Variants in MACROD2 observed in about 807,000 individuals in gnomAD.
MACROD2 encodes the protein ADP-ribose glycohydrolase MACROD2.
Under a neutral mutation model 70.4 loss-of-function variants are expected in MACROD2, and 36 were observed. The observed-to-expected ratio is 0.51, with a 90% confidence interval of 0.39 to 0.68. MACROD2 has a LOEUF of 0.68. Among genes scored for constraint, MACROD2 ranks in the 30% least tolerant of loss-of-function variants. MACROD2 has a pLI of 0.00. For missense variants in MACROD2, 496 were observed against 538.4 expected (o/e 0.92, Z 0.78); for synonymous variants, 172 against 178.8 (o/e 0.96, Z 0.30).
intron 8 of MACROD2, among the ~76,000 whole-genome samples, chr20:15,743,598 A>T (rs533232533): frequency 9.2e-5 from 14 of 152,038 alleles, no homozygotes; most frequent in African/African-American, 3.4e-4. Flanking sequence ...CAAATTGACT[A>T]ATCTGTTTTT....
chr20:14,401,492 C>G (rs975156283), intron 3 of MACROD2, among the ~76,000 whole-genome samples: 2 of 152,134 alleles, frequency 1.3e-5, no homozygotes, highest in African/African-American at 4.8e-5. Context: ...TAGAATCACA[C>G]AGATATTGTA....
chr20:15,954,096 T>C (rs2065943628), intron 12 of MACROD2, among the ~76,000 whole-genome samples: 2 of 152,108 alleles, frequency 1.3e-5, no homozygotes, highest in South Asian at 4.1e-4. Flanking sequence ...AAGTTCAGGG[T>C]CATATTAATA....
chr20:15,675,986 A>G (rs1280850961), intron 8 of MACROD2, among the ~76,000 whole-genome samples: 1 of 152,150 alleles, frequency 6.6e-6, no homozygotes, highest in Non-Finnish European at 1.5e-5. Flanking sequence ...CCATTAGTCT[A>G]TCTCCTTTCT....
intron 3 of MACROD2, among the ~76,000 whole-genome samples, chr20:14,403,654 G>T (rs1049205613): frequency 2.6e-5 from 4 of 152,158 alleles, no homozygotes; most frequent in Admixed American, 6.5e-5. Flanking sequence ...TGGAATAGAA[G>T]ATTTCTTTTT....
intron 3 of MACROD2, among the ~76,000 whole-genome samples, chr20:14,328,390 C>T (rs546999414): frequency 6.6e-6 from 1 of 152,058 alleles, no homozygotes; most frequent in Non-Finnish European, 1.5e-5. Context: ...TTTTCTACCT[C>T]ATAACGTGTT....
rs1569209518 is a variant in MACROD2 at position 14,215,070 on chromosome 20, CTAT to C, written c.271+129344_271+129346del. Among the ~76,000 whole-genome samples, 23 of 1,132 alleles carry C rather than the reference CTAT, an allele frequency of 0.02. 1 individual carries two copies. The South Asian group carries it at 0.26, about 13-fold the overall frequency. 0.7% of individuals were successfully genotyped at this position (1,132 alleles called of 152,430 possible). A position where few individuals can be genotyped will look rare whatever the true frequency, so the allele number is the denominator to read the frequency against. ...CATATATATATATTCCATCATATAT[CTAT>C]TCCATCATATATATCTATTCCATCA... On this transcript the variant is annotated intron_variant, in intron 3 of 17. Transcript: ENST00000684519.
At chr20:15,537,820 G>C (rs1444996126) in intron 8 of MACROD2, among the ~76,000 whole-genome samples, 2 of 152,012 alleles carry the variant, frequency 1.3e-5, no homozygotes, top group African/African-American at 4.8e-5. Flanking sequence ...ATTCTGGAGA[G>C]CCTGCCTCTG....
chr20:15,240,254 AAC>A (rs1379541019), intron 6 of MACROD2, among the ~76,000 whole-genome samples: 1 of 152,208 alleles, frequency 6.6e-6, no homozygotes, highest in Non-Finnish European at 1.5e-5. Flanking sequence ...TACTGCATTT[AAC>A]ACAATTCTAT....
At chr20:15,317,916 G>T (rs1308417550) in intron 6 of MACROD2, among the ~76,000 whole-genome samples, 3 of 151,938 alleles carry the variant, frequency 2.0e-5, no homozygotes, top group Non-Finnish European at 4.4e-5. Flanking sequence ...ATGATGTTTG[G>T]CCAAATGTCT....
chr20:15,374,996 G>C (rs543504493), intron 6 of MACROD2, among the ~76,000 whole-genome samples: 1 of 152,258 alleles, frequency 6.6e-6, no homozygotes, highest in South Asian at 2.1e-4. Flanking sequence ...GGGCTTATTT[G>C]TTCAGAAAAT....
At chr20:14,941,869 G>A (rs1018908925) in intron 5 of MACROD2, among the ~76,000 whole-genome samples, 30 of 150,976 alleles carry the variant, frequency 2.0e-4, no homozygotes, top group African/African-American at 5.9e-4. Flanking sequence ...CTGCAGCCTC[G>A]ACTGCCTGGG....
intron 6 of MACROD2, among the ~76,000 whole-genome samples, chr20:15,308,329 A>G (rs1392929123): frequency 6.6e-6 from 1 of 152,108 alleles, no homozygotes; most frequent in East Asian, 1.9e-4. Flanking sequence ...TTTTACTTAC[A>G]AAGCGCTTAC....
At chr20:14,442,142 C>T (rs1347622315) in intron 3 of MACROD2, among the ~76,000 whole-genome samples, 2 of 151,972 alleles carry the variant, frequency 1.3e-5, no homozygotes, top group Non-Finnish European at 2.9e-5. Context: ...TGGTGGTGCT[C>T]ACCTGTAATC....
chr20:15,700,494 C>CT, intron 8 of MACROD2, among the ~76,000 whole-genome samples: 1 of 152,332 alleles, frequency 6.6e-6, no homozygotes, highest in South Asian at 2.1e-4. Context: ...CGTTTCTTTT[C>CT]TTTCTTTCTC....
intron 5 of MACROD2, among the ~76,000 whole-genome samples, chr20:15,124,013 T>C: frequency 6.6e-6 from 1 of 152,186 alleles, no homozygotes; most frequent in East Asian, 1.9e-4. Context: ...CTTAGATATT[T>C]CCATGACTAT....
chr20:15,333,859 C>T (rs1477596636), intron 6 of MACROD2, among the ~76,000 whole-genome samples: 1 of 151,568 alleles, frequency 6.6e-6, no homozygotes, highest in East Asian at 1.9e-4. Flanking sequence ...TTTTTGATTG[C>T]TGGACTGGTT....
At chr20:15,956,447 A>C (rs1053541460) in intron 12 of MACROD2, among the ~76,000 whole-genome samples, 2 of 152,148 alleles carry the variant, frequency 1.3e-5, no homozygotes, top group Non-Finnish European at 2.9e-5. Context: ...AGATTCTGTC[A>C]CTCAGAGAGC....
chr20:15,327,515 C>T (rs2077943673), intron 6 of MACROD2, among the ~76,000 whole-genome samples: 1 of 152,050 alleles, frequency 6.6e-6, no homozygotes, highest in Non-Finnish European at 1.5e-5. Flanking sequence ...CATATGGTGG[C>T]AGCAAGGAGA....
At chr20:15,845,887 A>G (rs1356764447) in intron 8 of MACROD2, among the ~76,000 whole-genome samples, 1 of 152,190 alleles carries the variant, frequency 6.6e-6, no homozygotes, top group Admixed American at 6.5e-5. Context: ...CCAATCCCAC[A>G]CACAAAACTG....
Sources: allele counts gnomAD v4.1 joint callset (sites outside exome capture counted in the v4.1 genomes callset), GRCh38; gene constraint gnomAD v4.1.1; transcripts MANE v1.5; gene names NCBI Gene and HGNC (gene_info 2026-07-23, HGNC 2026-07-21).